The following CNTN4 variants were observed in gnomAD, a reference collection of about 807,000 sequenced individuals.
The protein encoded by CNTN4 is contactin 4.
In CNTN4, 77 loss-of-function variants were observed where a neutral mutation model predicts 122.5. That is an observed-to-expected ratio of 0.63 (90% confidence interval 0.52 to 0.76). CNTN4 has a LOEUF of 0.76. Among genes scored for constraint, CNTN4 ranks in the 30% least tolerant of loss-of-function variants. The probability of loss-of-function intolerance (pLI) is 0.00; values close to 1 mark genes in which losing one functional copy is unlikely to be tolerated. For synonymous variants in CNTN4, 512 were observed against 447.0 expected, an observed-to-expected ratio of 1.15 and a Z score of -1.83; for missense variants, 1,256 against 1,259.1, an observed-to-expected ratio of 1.00 and a Z score of 0.04.
chr3:2,810,771 C>G lies in CNTN4; in HGVS notation c.359-8715C>G, dbSNP rs181326316. ...GAAAGTGATTAATAGCAAGGTCATA[C>G]TTTTGAAGAAGGTATTTATGGTTTA... On this transcript the variant is annotated intron_variant, in intron 6 of 24. Coordinates refer to ENST00000418658, the MANE Select transcript of CNTN4 (RefSeq NM_175607.3). Among the ~76,000 whole-genome samples the G allele has an allele frequency of 4.0e-3, 605 of 152,272 alleles. 2 individuals carry two copies. Among genetic ancestry groups the G allele is most frequent in the African/African-American group, 0.013 (560 of 41,544 alleles).
At chr3:2,969,904 G>T (rs1478509042) in intron 13 of CNTN4, among the ~76,000 whole-genome samples, 1 of 152,114 alleles carries the variant, frequency 6.6e-6, no homozygotes, top group African/African-American at 2.4e-5. Flanking sequence ...GCAGATTGCA[G>T]TCAGACTCTT....
chr3:2,643,087 A>G (rs972496200), intron 4 of CNTN4, among the ~76,000 whole-genome samples: 2 of 152,212 alleles, frequency 1.3e-5, no homozygotes, highest in African/African-American at 4.8e-5. Context: ...GCTAAACTCT[A>G]TCATCTCTAT....
At chr3:2,235,054 C>G (rs1002474635) in intron 2 of CNTN4, among the ~76,000 whole-genome samples, 4 of 152,240 alleles carry the variant, frequency 2.6e-5, no homozygotes, top group African/African-American at 9.6e-5. Context: ...TAGATAACAT[C>G]TGCTGTCTCA....
At chr3:2,391,652 G>A (rs926581562) in intron 3 of CNTN4, among the ~76,000 whole-genome samples, 2 of 152,146 alleles carry the variant, frequency 1.3e-5, no homozygotes, top group African/African-American at 4.8e-5. Context: ...GTAATGCCAA[G>A]TTAGTTAGCT....
intron 2 of CNTN4, among the ~76,000 whole-genome samples, chr3:2,128,009 C>T (rs185179750): frequency 6.6e-6 from 1 of 152,316 alleles, no homozygotes; most frequent in Admixed American, 6.5e-5. Flanking sequence ...TATTTCCACA[C>T]CCTAATTTAT....
intron 6 of CNTN4, among the ~76,000 whole-genome samples, chr3:2,746,541 T>A (rs533439742): frequency 1.0e-3 from 152 of 152,358 alleles, no homozygotes; most frequent in South Asian, 4.3e-3. Flanking sequence ...TGTATTTGCA[T>A]GTGATTATAT....
At chr3:2,639,307 C>T (rs1395983963) in intron 4 of CNTN4, among the ~76,000 whole-genome samples, 2 of 152,074 alleles carry the variant, frequency 1.3e-5, no homozygotes, top group African/African-American at 4.8e-5. Context: ...CCACTGGTGC[C>T]CTGCCCCACC....
chr3:2,440,958 C>G (rs1559554996), intron 3 of CNTN4, among the ~76,000 whole-genome samples: 1 of 149,070 alleles, frequency 6.7e-6, no homozygotes, highest in East Asian at 2.0e-4. Flanking sequence ...TTTTCACACA[C>G]ATATATATTT....
intron 3 of CNTN4, among the ~76,000 whole-genome samples, chr3:2,533,439 C>A (rs961896929): frequency 6.6e-6 from 1 of 152,074 alleles, no homozygotes; most frequent in African/African-American, 2.4e-5. Flanking sequence ...CAGCATCATC[C>A]ATGTCCCTAC....
chr3:2,387,263 G>T (rs546659697), intron 3 of CNTN4, among the ~76,000 whole-genome samples: 1 of 152,032 alleles, frequency 6.6e-6, no homozygotes, highest in South Asian at 2.1e-4. Context: ...TAATGCAAGG[G>T]TTCTTTACAA....
chr3:2,988,639 C>G, intron 14 of CNTN4, 167 bp downstream of exon 14: 1 of 717,176 alleles, frequency 1.4e-6, no homozygotes, highest in Non-Finnish European at 2.4e-6. Flanking sequence ...TAGAAAACTG[C>G]TGGTAATGAA....
chr3:2,704,921 G>C (rs751021417), intron 4 of CNTN4, among the ~76,000 whole-genome samples: 1 of 152,040 alleles, frequency 6.6e-6, no homozygotes, highest in African/African-American at 2.4e-5. Context: ...TAAACACTGC[G>C]TGAGTGATGA....
chr3:2,496,656 TAGA>T (rs1206761259), intron 3 of CNTN4, among the ~76,000 whole-genome samples: 1 of 152,106 alleles, frequency 6.6e-6, no homozygotes. Context: ...GAAAAAAGAA[TAGA>T]AGAAGAGCTG....
At chr3:2,262,202 A>G (rs948601363) in intron 2 of CNTN4, 2 of 152,092 alleles carry the variant, frequency 1.3e-5, no homozygotes, top group Admixed American at 1.3e-4. Context: ...TGTGTCTTCC[A>G]TTTTCTGCTC....
At chr3:2,178,420 T>C (rs2036851210) in intron 2 of CNTN4, among the ~76,000 whole-genome samples, 1 of 151,976 alleles carries the variant, frequency 6.6e-6, no homozygotes, top group Admixed American at 6.6e-5. Context: ...GTGTTTGCTT[T>C]AATAGATTCA....
At chr3:2,881,472 C>G (rs1238931339) in intron 8 of CNTN4, among the ~76,000 whole-genome samples, 1 of 150,694 alleles carries the variant, frequency 6.6e-6, no homozygotes, top group Middle Eastern at 3.2e-3. Context: ...AAAATTGTAC[C>G]ACAGCACTCC....
chr3:2,189,172 G>A (rs1257721640), intron 2 of CNTN4, among the ~76,000 whole-genome samples: 1 of 152,034 alleles, frequency 6.6e-6, no homozygotes, highest in African/African-American at 2.4e-5. Flanking sequence ...AATGCTTATT[G>A]ACATCCAGGC....
At chr3:2,203,850 A>G (rs999177972) in intron 2 of CNTN4, among the ~76,000 whole-genome samples, 1 of 152,156 alleles carries the variant, frequency 6.6e-6, no homozygotes, top group Non-Finnish European at 1.5e-5. Context: ...AAGCCAGTAA[A>G]CAGAATGTTG....
intron 4 of CNTN4, among the ~76,000 whole-genome samples, chr3:2,601,457 A>T (rs2081043263): frequency 6.6e-6 from 1 of 152,178 alleles, no homozygotes; most frequent in African/African-American, 2.4e-5. Flanking sequence ...TTAAATAGGG[A>T]ATCCTTTCCT....
Sources: gnomAD v4.1 joint callset for allele counts (sites outside exome capture counted in the v4.1 genomes callset) on GRCh38, gnomAD v4.1.1 for gene constraint, MANE v1.5 for transcripts, NCBI Gene and HGNC (gene_info 2026-07-23, HGNC 2026-07-21) for gene names.